ERBB4: variants seen among roughly 807,000 people sequenced by gnomAD.
ERBB4 encodes the protein erb-b2 receptor tyrosine kinase 4.
ERBB4 carries 42 observed loss-of-function variants against 158.0 expected under a neutral mutation model. That is an observed-to-expected ratio of 0.27 (90% CI 0.21 to 0.34). The LOEUF is 0.34. ERBB4 is among the 10% of genes least tolerant of loss of function. The pLI, the probability that ERBB4 is intolerant of heterozygous loss-of-function variation, is 1.00. For synonymous variants in ERBB4, 583 were observed against 558.7 expected (o/e 1.04, Z -0.61); for missense variants, 1,333 against 1,624.1 (o/e 0.82, Z 3.08).
chr2:211,697,550 A>C (rs2073070263), intron 12 of ERBB4, among the ~76,000 whole-genome samples: 1 of 152,200 alleles, frequency 6.6e-6, no homozygotes, highest in Non-Finnish European at 1.5e-5. Flanking sequence ...AATGAATTTA[A>C]TTTGTAAATA....
chr2:211,544,338 GC>G (rs2066887266), intron 20 of ERBB4, among the ~76,000 whole-genome samples: 1 of 151,994 alleles, frequency 6.6e-6, no homozygotes, highest in Non-Finnish European at 1.5e-5. Context: ...GGAAATAAGA[GC>G]TTTTTTCCAA....
chr2:212,228,123 AT>A (rs1270054120), intron 1 of ERBB4, among the ~76,000 whole-genome samples: 2 of 152,230 alleles, frequency 1.3e-5, no homozygotes, highest in African/African-American at 4.8e-5. Context: ...GGTTTGTGTG[AT>A]CTTTCTTCTG....
chr2:212,088,643 A>G (rs1236145449), intron 2 of ERBB4, among the ~76,000 whole-genome samples: 1 of 152,142 alleles, frequency 6.6e-6, no homozygotes, highest in Non-Finnish European at 1.5e-5. Flanking sequence ...TTCTACTTCA[A>G]GAAACACCAT....
intron 1 of ERBB4, among the ~76,000 whole-genome samples, chr2:212,497,792 G>A (rs115378652): frequency 0.013 from 1,951 of 152,252 alleles, 42 homozygotes; most frequent in African/African-American, 0.044. Flanking sequence ...TACAGCAGGC[G>A]GAACATTGGA....
At chr2:211,929,491 C>A (rs754136351) in intron 3 of ERBB4, among the ~76,000 whole-genome samples, 1 of 152,050 alleles carries the variant, frequency 6.6e-6, no homozygotes, top group Non-Finnish European at 1.5e-5. Context: ...ATGTTCTCCC[C>A]ATGTGATGCC....
chr2:212,034,095 A>G (rs1559357126), intron 2 of ERBB4, among the ~76,000 whole-genome samples: 5 of 152,044 alleles, frequency 3.3e-5, no homozygotes, highest in African/African-American at 1.2e-4. Flanking sequence ...AAGTCTGAAG[A>G]TAGTATACTT....
chr2:211,850,055 C>T (rs2077681784), intron 3 of ERBB4, among the ~76,000 whole-genome samples: 1 of 151,980 alleles, frequency 6.6e-6, no homozygotes, highest in Admixed American at 6.6e-5. Context: ...TTTCTATCTT[C>T]CATCCAACCT....
chr2:211,733,635 CA>C (rs1214506079), intron 5 of ERBB4, among the ~76,000 whole-genome samples: 1 of 150,536 alleles, frequency 6.6e-6, no homozygotes, highest in Admixed American at 6.6e-5. Flanking sequence ...TGCATTATAA[CA>C]GACATCTCCA....
intron 1 of ERBB4, among the ~76,000 whole-genome samples, chr2:212,435,918 AT>A (rs1204221608): frequency 6.6e-6 from 1 of 151,904 alleles, no homozygotes; most frequent in Non-Finnish European, 1.5e-5. Flanking sequence ...AAGAAAAAAA[AT>A]AAATAATAAT....
intron 1 of ERBB4, among the ~76,000 whole-genome samples, chr2:212,191,718 CATATAACACGTGTTATACATGTTA>C (rs2082228208): frequency 6.8e-6 from 1 of 146,334 alleles, no homozygotes; most frequent in East Asian, 2.0e-4. Flanking sequence ...ATACATGTTA[CATATAACACGTGTTATACATGTTA>C]CATATAACAC....
chr2:211,864,934 C>A (rs2078166579), intron 3 of ERBB4, among the ~76,000 whole-genome samples: 1 of 152,108 alleles, frequency 6.6e-6, no homozygotes, highest in Non-Finnish European at 1.5e-5. Flanking sequence ...TCACTTGAAT[C>A]TTGGAAGCAG....
chr2:211,727,521 C>T (rs2074304630), intron 5 of ERBB4, among the ~76,000 whole-genome samples: 1 of 151,836 alleles, frequency 6.6e-6, no homozygotes, highest in Non-Finnish European at 1.5e-5. Flanking sequence ...GCAGTATCTC[C>T]TCAGGGCTTA....
chr2:212,026,274 C>T (rs1297134493), intron 2 of ERBB4, among the ~76,000 whole-genome samples: 2 of 151,440 alleles, frequency 1.3e-5, no homozygotes, highest in Non-Finnish European at 1.5e-5. Context: ...AAAAATATCA[C>T]ACATATAGGT....
chr2:211,902,767 T>C (rs2079272044), intron 3 of ERBB4, among the ~76,000 whole-genome samples: 1 of 151,830 alleles, frequency 6.6e-6, no homozygotes, highest in South Asian at 2.1e-4. Context: ...TATTTTGAAC[T>C]ATAAAAAATC....
At chr2:212,473,206 T>C (rs948426319) in intron 1 of ERBB4, among the ~76,000 whole-genome samples, 5 of 152,044 alleles carry the variant, frequency 3.3e-5, no homozygotes, top group African/African-American at 1.2e-4. Context: ...TATTATTCTG[T>C]AGTTAAAATC....
At chr2:212,365,854 T>C (rs925530916) in intron 1 of ERBB4, among the ~76,000 whole-genome samples, 3 of 151,786 alleles carry the variant, frequency 2.0e-5, no homozygotes, top group African/African-American at 7.3e-5. Context: ...GGAGAACAGG[T>C]TTCTATTGAG....
At chr2:211,552,783 A>C (rs2067135165) in intron 20 of ERBB4, among the ~76,000 whole-genome samples, 1 of 152,190 alleles carries the variant, frequency 6.6e-6, no homozygotes, top group Admixed American at 6.5e-5. Flanking sequence ...CTTAGAGCAA[A>C]GTCAGAAACT....
rs186558436 is a variant in ERBB4, at chr2:211,796,510, C to T, written c.422-8351G>A. Among the ~76,000 whole-genome samples, 368 of 151,986 alleles carry T rather than the reference C, an allele frequency of 2.4e-3. 2 individuals carry two copies. Among genetic ancestry groups the T allele is most frequent in the African/African-American group, 8.6e-3 (357 of 41,510 alleles). ...AGTACTGCTGGGTCATAGTGATAAT[C>T]ACTTTTTATTTAACCAATTTAACTT... On this transcript the variant is annotated intron_variant, in intron 3 of 27. Transcript: ENST00000342788.
rs535406847 is a variant in ERBB4 at position 211,921,477 on chromosome 2, C to T, written c.421+25953G>A. ...ACTCAACTGACGTGTAAGTCTAAAA[C>T]TCGAGTTAGAAAAACCAACGTCTCT... On this transcript the variant is annotated intron_variant, in intron 3 of 27. Coordinates refer to ENST00000342788, the MANE Select transcript of ERBB4 (RefSeq NM_005235.3). Among the ~76,000 whole-genome samples the T allele has an allele frequency of 3.3e-5, 5 of 152,172 alleles. No homozygotes were observed. The East Asian group carries it at 9.7e-4, about 29-fold the overall frequency.
Sources: gnomAD v4.1 joint callset for allele counts (sites outside exome capture counted in the v4.1 genomes callset) on GRCh38, gnomAD v4.1.1 for gene constraint, MANE v1.5 for transcripts, NCBI Gene and HGNC (gene_info 2026-07-23, HGNC 2026-07-21) for gene names.